The following RBFOX1 variants were observed in gnomAD, a reference collection of about 807,000 sequenced individuals.
RBFOX1 encodes RNA binding protein fox-1 homolog 1.
Under a neutral mutation model 57.7 loss-of-function variants are expected in RBFOX1, and 8 were observed. The ratio of observed to expected loss-of-function variants is 0.14; its 90% CI spans 0.08 to 0.25. The LOEUF (loss-of-function observed/expected upper bound fraction) is 0.25. Among genes scored for constraint, RBFOX1 ranks in the 10% least tolerant of loss-of-function variants. The probability of loss-of-function intolerance (pLI) is 1.00; values close to 1 mark genes in which losing one functional copy is unlikely to be tolerated. For synonymous variants in RBFOX1, 326 were observed against 222.4 expected (o/e 1.47, Z -4.15); for missense variants, 611 against 548.5 (o/e 1.11, Z -1.14).
chr16:5,995,346 A>C (rs1183754789), intron 4 of RBFOX1, among the ~76,000 whole-genome samples: 1 of 152,234 alleles, frequency 6.6e-6, no homozygotes, highest in Non-Finnish European at 1.5e-5. Flanking sequence ...TGAATAGGGC[A>C]ACTTCTGTGT....
intron 3 of RBFOX1, among the ~76,000 whole-genome samples, chr16:6,925,812 C>T (rs913634118): frequency 7.3e-5 from 11 of 151,254 alleles, no homozygotes; most frequent in Non-Finnish European, 1.3e-4. Flanking sequence ...ATAAGCCTGG[C>T]GAAATTACCT....
intron 3 of RBFOX1, among the ~76,000 whole-genome samples, chr16:5,649,764 C>T (rs544965600): frequency 7.2e-5 from 11 of 152,192 alleles, no homozygotes; most frequent in African/African-American, 2.2e-4. Context: ...ATGTACAACT[C>T]GCTGTTTTCA....
intron 3 of RBFOX1, among the ~76,000 whole-genome samples, chr16:6,952,202 T>A (rs2080908612): frequency 6.6e-6 from 1 of 152,210 alleles, no homozygotes; most frequent in Admixed American, 6.5e-5. Flanking sequence ...CCTTCACTGC[T>A]ATCACTGAGA....
At chr16:5,850,829 C>G (rs1222820531) in intron 3 of RBFOX1, among the ~76,000 whole-genome samples, 1 of 152,232 alleles carries the variant, frequency 6.6e-6, no homozygotes, top group African/African-American at 2.4e-5. Context: ...GTGAGCAGTT[C>G]ACATTTGACC....
intron 2 of RBFOX1, among the ~76,000 whole-genome samples, chr16:6,388,911 G>A (rs190916202): frequency 3.1e-4 from 47 of 152,312 alleles, no homozygotes; most frequent in African/African-American, 1.1e-3. Flanking sequence ...TAGAATGGCG[G>A]TTTCCAGGGG....
intron 4 of RBFOX1, among the ~76,000 whole-genome samples, chr16:7,495,286 C>G (rs116653146): frequency 6.6e-6 from 1 of 152,202 alleles, no homozygotes; most frequent in Non-Finnish European, 1.5e-5. Flanking sequence ...CATACTTGTG[C>G]AGGTGTCTTT....
At chr16:7,067,724 C>G (rs1369687393) in intron 4 of RBFOX1, among the ~76,000 whole-genome samples, 1 of 135,416 alleles carries the variant, frequency 7.4e-6, no homozygotes, top group East Asian at 2.5e-4. Flanking sequence ...TGTGATGTTC[C>G]CCTTCCTGTG....
At chr16:6,982,171 T>G (rs1192622984) in intron 3 of RBFOX1, among the ~76,000 whole-genome samples, 1 of 152,212 alleles carries the variant, frequency 6.6e-6, no homozygotes, top group African/African-American at 2.4e-5. Context: ...GGATTGTGTA[T>G]TCTCTGGCAT....
chr16:6,785,966 C>G (rs1030426174), intron 3 of RBFOX1, among the ~76,000 whole-genome samples: 18 of 152,192 alleles, frequency 1.2e-4, no homozygotes, highest in African/African-American at 3.4e-4. Flanking sequence ...GTGGCACTTA[C>G]CAACAGACCA....
intron 2 of RBFOX1, among the ~76,000 whole-genome samples, chr16:6,582,844 A>C (rs1010163807): frequency 9.7e-6 from 1 of 103,232 alleles, no homozygotes; most frequent in Non-Finnish European, 2.1e-5. Flanking sequence ...GTTGGAGTTC[A>C]TTTCAACAGA....
chr16:5,357,693 G>A (rs1331955741), intron 1 of RBFOX1, among the ~76,000 whole-genome samples: 1 of 152,172 alleles, frequency 6.6e-6, no homozygotes, highest in Non-Finnish European at 1.5e-5. Context: ...GAGTCTTAAG[G>A]CCTGGCTGTG....
Position 6,427,468 on chromosome 16 carries a change from G to A in RBFOX1, c.-64+110411G>A, listed in dbSNP as rs1169840781. Among the ~76,000 whole-genome samples, 4 of 152,148 alleles carry A rather than the reference G, an allele frequency of 2.6e-5. No homozygotes were observed. The East Asian group carries it at 7.7e-4, about 29-fold the overall frequency. Reference sequence around the variant, plus strand: ...TTTTATGCAATGAAAGTGCCGGTGAGAATTTAGACAGCAAAGCTTACCAGT... The same window carrying A: ...TTTTATGCAATGAAAGTGCCGGTGAAAATTTAGACAGCAAAGCTTACCAGT... On this transcript the variant is annotated intron_variant, in intron 2 of 15. Transcript: ENST00000550418.
At chr16:5,757,240 T>C (rs1366951583) in intron 3 of RBFOX1, among the ~76,000 whole-genome samples, 1 of 150,176 alleles carries the variant, frequency 6.7e-6, no homozygotes, top group Admixed American at 6.6e-5. Context: ...TGTTTTTTTT[T>C]TTTTTTTTTG....
At chr16:6,801,600 C>T (rs570705681) in intron 3 of RBFOX1, among the ~76,000 whole-genome samples, 38 of 151,806 alleles carry the variant, frequency 2.5e-4, no homozygotes, top group Non-Finnish European at 4.6e-4. Flanking sequence ...GGGAGATGGC[C>T]AGGAGACTCA....
At position 7,349,660 on chromosome 16, in the gene RBFOX1, G is replaced by T. The variant is rs533264318; in HGVS notation, c.28-168487G>T. Among the ~76,000 whole-genome samples the T allele has an allele frequency of 1.5e-3, 232 of 152,252 alleles. 1 individual carries two copies. Among genetic ancestry groups the T allele is most frequent in the Non-Finnish European group, 1.9e-3 (130 of 68,036 alleles). On this transcript the variant is annotated intron_variant, in intron 4 of 15. Transcript: ENST00000550418. Reference sequence around the variant, plus strand: ...GAGAGGCTGAGGAGGGTTGGGTTCAGAAAGACGGATGGCTGTGGCTTGCTT... The same window carrying T: ...GAGAGGCTGAGGAGGGTTGGGTTCATAAAGACGGATGGCTGTGGCTTGCTT...
chr16:5,338,770 C>T (rs1426359145), intron 1 of RBFOX1, among the ~76,000 whole-genome samples: 1 of 152,192 alleles, frequency 6.6e-6, no homozygotes, highest in Non-Finnish European at 1.5e-5. Context: ...GCAATCCCCA[C>T]TTTAGCCTCC....
chr16:6,873,173 C>T lies in RBFOX1; in HGVS notation c.-15-178884C>T, dbSNP rs1057211628. 8.0e-5 allele frequency among the ~76,000 whole-genome samples: 12 copies of T among 150,638 alleles called. 1 individual carries two copies. The South Asian group carries it at 2.1e-3, about 26-fold the overall frequency. ...TCTATAGCAGACTTTCCTCCTGAAG[C>T]GTGAAGAAGGAATAAACGAGGAGTA... is the stretch of plus-strand genomic sequence containing the variant. On this transcript the variant is annotated intron_variant, in intron 3 of 15. Transcript: ENST00000550418.
At chr16:7,341,471 G>A (rs544895842) in intron 4 of RBFOX1, among the ~76,000 whole-genome samples, 230 of 152,250 alleles carry the variant, frequency 1.5e-3, no homozygotes, top group African/African-American at 5.2e-3. Context: ...GGTTGCGTAG[G>A]GGGGCCATGC....
At position 6,604,319 on chromosome 16, in the gene RBFOX1, T is replaced by A. The variant is rs2097896567; in HGVS notation, c.-63-50284T>A. 3.3e-5 allele frequency among the ~76,000 whole-genome samples: 5 copies of A among 152,306 alleles called. No homozygotes were observed. In the South Asian group the frequency reaches 1.0e-3, roughly 32 times the overall value. On this transcript the variant is annotated intron_variant, in intron 2 of 15. Coordinates refer to ENST00000550418, the MANE Select transcript of RBFOX1 (RefSeq NM_018723.4). ...ATATTATTGTTGATCTTGTTACACA[T>A]GATAACAGCATTTTCTTATTTTTTT...
Sources: gnomAD v4.1 joint callset for allele counts (sites outside exome capture counted in the v4.1 genomes callset) on GRCh38, gnomAD v4.1.1 for gene constraint, MANE v1.5 for transcripts, NCBI Gene and HGNC (gene_info 2026-07-23, HGNC 2026-07-21) for gene names.